The following ASAP3 variants were observed in gnomAD, a reference collection of about 807,000 sequenced individuals.
ASAP3 encodes arf-GAP with SH3 domain, ANK repeat and PH domain-containing protein 3.
ASAP3 carries 85 observed loss-of-function variants against 118.2 expected under a neutral mutation model. That is an observed-to-expected ratio of 0.72 (90% CI 0.60 to 0.86). The LOEUF (loss-of-function observed/expected upper bound fraction) is 0.86, where lower values mean the gene tolerates loss of function less well. Ranked by LOEUF, ASAP3 falls within the 40% of genes least tolerant of loss-of-function variation. ASAP3 has a pLI of 0.00. For synonymous variants in ASAP3, 432 were observed against 477.4 expected (o/e 0.90, Z 1.24); for missense variants, 1,026 against 1,175.0 (o/e 0.87, Z 1.85).
chr1:23,438,629 T>A lies in ASAP3; in HGVS notation c.1102+118A>T. The A allele has an allele frequency of 4.9e-6, 4 of 809,938 alleles. No individual in the cohort carries two copies. The highest frequency in any genetic ancestry group is 8.0e-6 in the Non-Finnish European group (4 of 497,660). 50.2% of individuals were successfully genotyped at this position (809,938 alleles called of 1,614,324 possible). ...TTCTTATGTCTGCAGTAGCAGCAAT[T>A]CGACACCATGTGTGGAACTGGACAC... On this transcript the variant is annotated intron_variant, in intron 12 of 24. Coordinates refer to ENST00000336689, the MANE Select transcript of ASAP3 (RefSeq NM_017707.4). This position sits in a 1 kb window ranked among gnomAD's most constrained non-coding sequence, Gnocchi z 4.9.
intron 1 of ASAP3, among the ~76,000 whole-genome samples, chr1:23,461,985 G>C (rs571322177): frequency 4.7e-4 from 72 of 151,992 alleles, no homozygotes; most frequent in Non-Finnish European, 7.8e-4. Flanking sequence ...AACTGGTAAA[G>C]GGAGACAAGT....
intron 5 of ASAP3, among the ~76,000 whole-genome samples, chr1:23,445,666 T>G (rs1448985692): frequency 6.6e-6 from 1 of 152,190 alleles, no homozygotes; most frequent in Non-Finnish European, 1.5e-5. Flanking sequence ...TATAGAAATA[T>G]CATGCAGCTG....
Position 23,475,326 on chromosome 1 carries a change from G to A in ASAP3, c.129+8679C>T, listed in dbSNP as rs1205207502. On this transcript the variant is annotated intron_variant, in intron 1 of 24. Transcript: ENST00000336689. ...CAGCAGTGTCCTGCCAAACTGGCTCGGTGGCATGATTTTGGCTGAGATCCT... is the reference window on the plus strand; with the variant it reads ...CAGCAGTGTCCTGCCAAACTGGCTCAGTGGCATGATTTTGGCTGAGATCCT... 4.6e-5 allele frequency among the ~76,000 whole-genome samples: 7 copies of A among 152,126 alleles called. No homozygotes were observed. The East Asian group carries it at 5.8e-4, about 13-fold the overall frequency.
rs1570315283 is a variant in ASAP3, at chr1:23,429,057, G to A, written c.*799C>T. ...TCCTTCCTGCTAAATCAAGGACACAGGCAAATGTGGGTGCATCTGACTCTA... is the reference window on the plus strand; with the variant it reads ...TCCTTCCTGCTAAATCAAGGACACAAGCAAATGTGGGTGCATCTGACTCTA... On this transcript the variant is annotated 3_prime_UTR_variant, in exon 25 of 25. Coordinates refer to ENST00000336689, the MANE Select transcript of ASAP3 (RefSeq NM_017707.4). 1 of 154,682 alleles carries A rather than the reference G, an allele frequency of 6.5e-6. No individual in the cohort carries two copies. The highest frequency in any genetic ancestry group is 1.9e-4 in the East Asian group (1 of 5,194). 9.6% of individuals were successfully genotyped at this position (154,682 alleles called of 1,614,324 possible).
rs1168374264 is a variant in ASAP3, at chr1:23,436,786, C to G, written c.1476+125G>C. 1 of 1,540,992 alleles carries G rather than the reference C, an allele frequency of 6.5e-7. No homozygotes were observed. Among genetic ancestry groups the G allele is most frequent in the South Asian group, 1.2e-5 (1 of 81,186 alleles). On this transcript the variant is annotated intron_variant, in intron 15 of 24. Transcript: ENST00000336689. The surrounding 1 kb of genome is among the most constrained non-coding windows in gnomAD (Gnocchi z 4.2). ...GGTTCAGGCCCCGCCCCTGACCACCCGCTACCTGGCTTGTCCCAGCCCACC... is the reference window on the plus strand; with the variant it reads ...GGTTCAGGCCCCGCCCCTGACCACCGGCTACCTGGCTTGTCCCAGCCCACC...
chr1:23,483,660 C>T (rs1642384675), intron 1 of ASAP3, among the ~76,000 whole-genome samples: 1 of 152,114 alleles, frequency 6.6e-6, no homozygotes, highest in Non-Finnish European at 1.5e-5. Context: ...TCGGGGGGCA[C>T]ACTTGTGGGG....
intron 5 of ASAP3, among the ~76,000 whole-genome samples, chr1:23,449,802 T>C (rs1244526701): frequency 1.3e-5 from 2 of 152,150 alleles, no homozygotes. Context: ...GTAAATGAAA[T>C]GCTACAGGAA....
intron 1 of ASAP3, among the ~76,000 whole-genome samples, chr1:23,475,664 T>C (rs1642105066): frequency 6.6e-6 from 1 of 152,200 alleles, no homozygotes; most frequent in Non-Finnish European, 1.5e-5. Context: ...TCAAGACCTA[T>C]AAAGATATAC....
In ASAP3 at chr1:23,429,050, G is replaced by C. The variant is rs187579782; in HGVS notation, c.*806C>G. 46 of 154,748 alleles carry C rather than the reference G, an allele frequency of 3.0e-4. No individual in the cohort carries two copies. Among genetic ancestry groups the C allele is most frequent in the African/African-American group, 1.1e-3 (45 of 41,618 alleles). The allele number at this position is 154,748 out of a possible 1,614,324, so 9.6% of individuals were successfully genotyped here. Reference sequence around the variant, plus strand: ...ATTCCTTTCCTTCCTGCTAAATCAAGGACACAGGCAAATGTGGGTGCATCT... The same window carrying C: ...ATTCCTTTCCTTCCTGCTAAATCAACGACACAGGCAAATGTGGGTGCATCT... On this transcript the variant is annotated 3_prime_UTR_variant, in exon 25 of 25. Coordinates refer to ENST00000336689, the MANE Select transcript of ASAP3 (RefSeq NM_017707.4).
intron 5 of ASAP3, among the ~76,000 whole-genome samples, chr1:23,447,911 T>G (rs1641098223): frequency 6.6e-6 from 1 of 152,146 alleles, no homozygotes; most frequent in Non-Finnish European, 1.5e-5. Context: ...TCAGCTAAGA[T>G]AATTCATAGA....
At chr1:23,456,365 C>T (rs553010330) in intron 1 of ASAP3, among the ~76,000 whole-genome samples, 171 bp from the exon 2 acceptor site, 1 of 152,224 alleles carries the variant, frequency 6.6e-6, no homozygotes, top group Admixed American at 6.5e-5. Flanking sequence ...CCCCACCAAA[C>T]AAAAAACCAC....
chr1:23,484,519 T>G (rs1642448100), upstream of ASAP3: 2 of 156,500 alleles, frequency 1.3e-5, no homozygotes, highest in Non-Finnish European at 2.7e-5. Context: ...CCCTGCCCCT[T>G]CAGGGCTCTG....
At chr1:23,464,144 C>T (rs866547916) in intron 1 of ASAP3, among the ~76,000 whole-genome samples, 18 of 148,340 alleles carry the variant, frequency 1.2e-4, no homozygotes, top group Admixed American at 4.0e-4. Context: ...AGACCAGCCT[C>T]GGCAACAAAG....
At position 23,431,154 on chromosome 1, in the gene ASAP3, C is replaced by T. The variant is rs576473188; in HGVS notation, c.2547-29G>A. On this transcript the variant is annotated intron_variant, in intron 23 of 24. Coordinates refer to ENST00000336689, the MANE Select transcript of ASAP3 (RefSeq NM_017707.4). ...GAAGGCAGGGAAAGGCCAACATGAC[C>T]CTCATGTCCAGAGAGCCCCTCAGAG... 8 of 1,558,632 alleles carry T rather than the reference C, an allele frequency of 5.1e-6. No homozygotes were observed. The Admixed American group carries it at 9.6e-5, about 19-fold the overall frequency.
rs1239589296 is a variant in ASAP3, at chr1:23,484,152, G to T, written c.-19C>A. 1 of 1,259,120 alleles carries T rather than the reference G, an allele frequency of 7.9e-7. No individual in the cohort carries two copies. 78.0% of individuals were successfully genotyped at this position (1,259,120 alleles called of 1,614,324 possible). On this transcript the variant is annotated 5_prime_UTR_variant, in exon 1 of 25. Transcript: ENST00000336689. ...CCGGCATGGCGGGCGCGAGCGTGGA[G>T]CTGCCGGAGCGGGGCGCGGGGGGCA...
At chr1:23,482,055 C>T (rs889445907) in intron 1 of ASAP3, among the ~76,000 whole-genome samples, 2 of 152,106 alleles carry the variant, frequency 1.3e-5, no homozygotes, top group African/African-American at 2.4e-5. Context: ...CAAATCTGAC[C>T]GGCTGCTTCT....
At position 23,429,077 on chromosome 1, in the gene ASAP3, ACT is replaced by A. The variant is rs1205853134; in HGVS notation, c.*777_*778del. 1 of 154,222 alleles carries A rather than the reference ACT, an allele frequency of 6.5e-6. No homozygotes were observed. The highest frequency in any genetic ancestry group is 2.4e-5 in the African/African-American group (1 of 41,456). 9.6% of individuals were successfully genotyped at this position (154,222 alleles called of 1,614,324 possible). ...ACACAGGCAAATGTGGGTGCATCTG[ACT>A]CTACAATTTGGCTGGGGAATATAGG... On this transcript the variant is annotated 3_prime_UTR_variant, in exon 25 of 25. Transcript: ENST00000336689.
In ASAP3 at chr1:23,434,307, T is replaced by C. The variant is rs1235446816; in HGVS notation, c.1898A>G (p.Asn633Ser). 4 of 1,613,940 alleles carry C rather than the reference T, an allele frequency of 2.5e-6. No homozygotes were observed. Among genetic ancestry groups the C allele is most frequent in the African/African-American group, 1.3e-5 (1 of 74,862 alleles). ...NTALHYAALY[N>S]QPDCLKLLLK... ...CAGCAGCTTGAGGCAGTCGGGCTGGTTGTAGAGTGCTGCGTAGTGCAGAGC... is the reference window on the plus strand; with the variant it reads ...CAGCAGCTTGAGGCAGTCGGGCTGGCTGTAGAGTGCTGCGTAGTGCAGAGC... Residue 633 changes from asparagine (N) to serine (S), a missense_variant, in exon 19 of 25, where the codon AAC (asparagine) becomes AGC (serine). Asn to Ser is a conservative substitution (Grantham distance 46). Transcript: ENST00000336689.
Position 23,438,928 on chromosome 1 carries a change from C to T in ASAP3, c.1015-94G>A, listed in dbSNP as rs1260813410. The T allele has an allele frequency of 7.6e-7, 1 of 1,308,820 alleles. No homozygotes were observed. The highest frequency in any genetic ancestry group is 1.4e-5 in the African/African-American group (1 of 69,020). 81.1% of individuals were successfully genotyped at this position (1,308,820 alleles called of 1,614,324 possible). On this transcript the variant is annotated intron_variant, in intron 11 of 24. Coordinates refer to ENST00000336689, the MANE Select transcript of ASAP3 (RefSeq NM_017707.4). The surrounding 1 kb of genome is among the most constrained non-coding windows in gnomAD (Gnocchi z 4.9). ...TCCCACTCTGTTAAATGGGCATAAT[C>T]ATCCTGTTCCATTTGTGTTTCTCCT... is the stretch of plus-strand genomic sequence containing the variant.
Sources: allele counts gnomAD v4.1 joint callset (sites outside exome capture counted in the v4.1 genomes callset), GRCh38; gene constraint gnomAD v4.1.1; non-coding constraint Gnocchi (gnomAD v3.1); transcripts MANE v1.5; gene names NCBI Gene and HGNC (gene_info 2026-07-23, HGNC 2026-07-21).